Variants in CHL1 observed in about 807,000 individuals in gnomAD.
CHL1 encodes the protein cell adhesion molecule L1 like, also known as neural cell adhesion molecule L1-like protein.
CHL1 carries 96 observed loss-of-function variants against 141.9 expected under a neutral mutation model. The observed-to-expected ratio is 0.68, with a 90% CI of 0.57 to 0.80. The LOEUF is 0.80. CHL1 is among the 30% of genes least tolerant of loss of function. The probability of loss-of-function intolerance (pLI) is 0.00; values close to 1 mark genes in which losing one functional copy is unlikely to be tolerated. For synonymous variants in CHL1, 613 were observed against 502.2 expected (o/e 1.22, Z -2.95); for missense variants, 1,820 against 1,457.2 (o/e 1.25, Z -4.05).
intron 1 of CHL1, among the ~76,000 whole-genome samples, chr3:240,311 G>A (rs1468585929): frequency 6.6e-6 from 1 of 152,132 alleles, no homozygotes. Flanking sequence ...AGGTGGTACA[G>A]AGATGTAGTT....
At chr3:239,659 G>C (rs537810321) in intron 1 of CHL1, among the ~76,000 whole-genome samples, 2 of 151,292 alleles carry the variant, frequency 1.3e-5, no homozygotes, top group Non-Finnish European at 2.9e-5. Context: ...ATTTGGTTGC[G>C]TAAGTTCTTT....
At chr3:197,872 CTTTTT>C in intron 1 of CHL1, 2 of 357,898 alleles carry the variant, frequency 5.6e-6, no homozygotes, top group Admixed American at 3.4e-5. Context: ...CTTTCTCTCG[CTTTTT>C]TTTTTTTTTT....
At chr3:259,494 A>T (rs1294416660) in intron 2 of CHL1, among the ~76,000 whole-genome samples, 6 of 152,138 alleles carry the variant, frequency 3.9e-5, no homozygotes, top group Admixed American at 6.6e-5. Context: ...GCCTGTTTTT[A>T]AAAAAGTATT....
intron 23 of CHL1, among the ~76,000 whole-genome samples, chr3:394,151 C>T (rs1488646230): frequency 6.6e-6 from 1 of 152,104 alleles, no homozygotes; most frequent in Non-Finnish European, 1.5e-5. Context: ...ACTTAGTACA[C>T]AGTAGATATT....
At chr3:380,569 T>A (rs1295147332) in intron 16 of CHL1, among the ~76,000 whole-genome samples, 1 of 152,216 alleles carries the variant, frequency 6.6e-6, no homozygotes, top group Non-Finnish European at 1.5e-5. Flanking sequence ...AAATTTGTGA[T>A]CATTTACTTA....
intron 2 of CHL1, among the ~76,000 whole-genome samples, chr3:296,693 G>A (rs1436077969): frequency 1.3e-5 from 2 of 152,176 alleles, no homozygotes; most frequent in Non-Finnish European, 2.9e-5. Context: ...TGGGAAAAAT[G>A]AGGGGAAGTT....
chr3:295,582 G>A (rs1698117779), intron 2 of CHL1, among the ~76,000 whole-genome samples: 1 of 152,084 alleles, frequency 6.6e-6, no homozygotes, highest in Non-Finnish European at 1.5e-5. Context: ...TCTGTTCTTA[G>A]TCATCCATCT....
intron 2 of CHL1, among the ~76,000 whole-genome samples, chr3:272,541 C>T (rs911900409): frequency 1.6e-4 from 25 of 152,244 alleles, no homozygotes; most frequent in African/African-American, 5.5e-4. Flanking sequence ...ATAGAGTACA[C>T]TAGTGTATTA....
chr3:270,950 G>T (rs1695582715), intron 2 of CHL1, among the ~76,000 whole-genome samples: 1 of 152,206 alleles, frequency 6.6e-6, no homozygotes, highest in African/African-American at 2.4e-5. Flanking sequence ...AGAGGAAGTA[G>T]AAAGCTTTGT....
chr3:322,645 A>AATATATATATATATATATATATAAAAT (rs1700667856), intron 3 of CHL1, among the ~76,000 whole-genome samples: 2 of 130,226 alleles, frequency 1.5e-5, no homozygotes, highest in Non-Finnish European at 3.2e-5. Flanking sequence ...ATATATATAA[A>AATATATATATATATATATATATAAAAT]ATATATATAT....
intron 9 of CHL1, among the ~76,000 whole-genome samples, chr3:348,305 T>C (rs1179246821): frequency 2.0e-5 from 3 of 152,200 alleles, no homozygotes; most frequent in African/African-American, 7.2e-5. Flanking sequence ...TGCCCATCTT[T>C]AGAACTCACC....
intron 5 of CHL1, among the ~76,000 whole-genome samples, chr3:335,847 G>A (rs1308099457): frequency 6.6e-6 from 1 of 152,250 alleles, no homozygotes; most frequent in East Asian, 1.9e-4. Flanking sequence ...AGCAGCAGCA[G>A]AAGAAAACTC....
chr3:377,568 C>CA (rs1706489494), intron 15 of CHL1, among the ~76,000 whole-genome samples: 1 of 152,188 alleles, frequency 6.6e-6, no homozygotes, highest in Admixed American at 6.5e-5. Context: ...CTGACCCATG[C>CA]AAACAGATGG....
At chr3:250,082 T>G (rs73090668) in intron 2 of CHL1, among the ~76,000 whole-genome samples, 4 of 151,990 alleles carry the variant, frequency 2.6e-5, no homozygotes, top group African/African-American at 9.7e-5. Flanking sequence ...TTCTCTTGCC[T>G]TAGCCTCTTG....
intron 24 of CHL1, among the ~76,000 whole-genome samples, chr3:397,183 C>G (rs1421478451): frequency 6.6e-6 from 1 of 152,068 alleles, no homozygotes; most frequent in Non-Finnish European, 1.5e-5. Flanking sequence ...AAAGCTTGCA[C>G]TACTTAATGT....
intron 14 of CHL1, among the ~76,000 whole-genome samples, chr3:364,436 G>A (rs780828583): frequency 6.6e-6 from 1 of 152,154 alleles, no homozygotes; most frequent in African/African-American, 2.4e-5. Flanking sequence ...AAGCAACTCA[G>A]CTAGGTGTAA....
At chr3:399,236 A>T (rs989287271) in intron 26 of CHL1, 88 bp downstream of exon 26, 1 of 1,053,186 alleles carries the variant, frequency 9.5e-7, no homozygotes, top group Admixed American at 1.9e-5. Context: ...TTAAAAATAC[A>T]CATTCAAGTC....
chr3:350,916 T>A (rs539130393), intron 10 of CHL1, among the ~76,000 whole-genome samples: 1 of 152,198 alleles, frequency 6.6e-6, no homozygotes, highest in Non-Finnish European at 1.5e-5. Flanking sequence ...GTTATGTATA[T>A]TTTTAGTCAT....
intron 1 of CHL1, among the ~76,000 whole-genome samples, chr3:223,591 A>G (rs1017204136): frequency 9.9e-5 from 15 of 152,216 alleles, no homozygotes; most frequent in African/African-American, 3.6e-4. Context: ...GTGAACTATC[A>G]AAAATTGTAT....
Sources: allele counts gnomAD v4.1 joint callset (sites outside exome capture counted in the v4.1 genomes callset), GRCh38; gene constraint gnomAD v4.1.1; transcripts MANE v1.5; gene names NCBI Gene and HGNC (gene_info 2026-07-23, HGNC 2026-07-21).